The following AXIN2 variants were observed in gnomAD, a reference collection of about 807,000 sequenced individuals.
AXIN2 encodes axin 2, also known as axin-2.
A neutral mutation model predicts 74.7 loss-of-function variants in AXIN2; 21 were observed. That is an observed-to-expected ratio of 0.28 (90% CI 0.20 to 0.40). The LOEUF (loss-of-function observed/expected upper bound fraction) is 0.40, where lower values mean the gene tolerates loss of function less well. Ranked by LOEUF, AXIN2 falls within the 10% of genes least tolerant of loss-of-function variation. AXIN2 has a pLI of 1.00. For missense variants in AXIN2, 1,144 were observed against 1,111.1 expected, an observed-to-expected ratio of 1.03 and a Z score of -0.42; for synonymous variants, 532 against 454.9, an observed-to-expected ratio of 1.17 and a Z score of -2.16.
intron 3 of AXIN2, 32 bp from the exon 4 acceptor site, chr17:65,541,589 C>T (rs781539928): frequency 1.9e-6 from 3 of 1,579,306 alleles, no homozygotes; most frequent in Non-Finnish European, 1.7e-6. Flanking sequence ...AATCCACAGG[C>T]TTACGAGGAT....
rs139493027 is a variant in AXIN2 at position 65,552,109 on chromosome 17, A to G, written c.816-2449T>C. Among the ~76,000 whole-genome samples, 531 of 152,270 alleles carry G rather than the reference A, an allele frequency of 3.5e-3. 5 individuals carry two copies. The highest frequency in any genetic ancestry group is 0.012 in the African/African-American group (513 of 41,554). ...CTTCCTCCTGGTCCATGTGTCCTCA[A>G]TCCGGAATTCCCCAACACCAAGGGC... On this transcript the variant is annotated intron_variant, in intron 2 of 10. Transcript: ENST00000307078.
Position 65,538,328 on chromosome 17 carries a change from G to C in AXIN2, c.1075C>G (p.Pro359Ala). The C allele has an allele frequency of 1.9e-6, 3 of 1,614,202 alleles. No homozygotes were observed. The South Asian group carries it at 3.3e-5, about 18-fold the overall frequency. ...GGTTCCACGGGGGTCATCTCCTTGG[G>C]CAGGCGGTGGGTTCTCTACAGGACG... ...LPHFPRTHRL[P>A]KEMTPVEPAT... The change falls in exon 5 of 11, where the codon CCC becomes GCC. Residue 359 changes from proline (P) to alanine (A), a missense_variant. Pro to Ala is a conservative substitution (Grantham distance 27, BLOSUM62 -1). Around this residue, in one of 4 missense-constraint regions of AXIN2, gnomAD observed 1,053 missense variants for 973.5 expected, o/e 1.08. Coordinates refer to ENST00000307078, the MANE Select transcript of AXIN2 (RefSeq NM_004655.4).
rs2144420744 is a variant in AXIN2 at position 65,534,109 on chromosome 17, A to G, written c.2238-30T>C. ...AAATAAGATGGAATGGAACAAGTTT[A>G]GCATTTTAAAGCAGACACACATCTA... On this transcript the variant is annotated intron_variant, in intron 9 of 10. Transcript: ENST00000307078. 6 of 1,613,660 alleles carry G rather than the reference A, an allele frequency of 3.7e-6. 1 individual carries two copies. In the South Asian group the frequency reaches 5.5e-5, roughly 15 times the overall value.
chr17:65,529,694 T>C lies in AXIN2; in HGVS notation c.*282A>G. On this transcript the variant is annotated 3_prime_UTR_variant, in exon 11 of 11. Coordinates refer to ENST00000307078, the MANE Select transcript of AXIN2 (RefSeq NM_004655.4). ...TCCCTAGGAAGTCATATATTATGTA[T>C]GGCAGTCTCTCAAATACAGGCAGCA... The C allele has an allele frequency of 4.1e-6, 2 of 487,686 alleles. No homozygotes were observed. The highest frequency in any genetic ancestry group is 7.5e-6 in the Non-Finnish European group (2 of 266,198). 30.2% of individuals were successfully genotyped at this position (487,686 alleles called of 1,614,324 possible). A position where few individuals can be genotyped will look rare whatever the true frequency, so the allele number is the denominator to read the frequency against.
At chr17:65,533,720 G>A (rs1212572430) in intron 10 of AXIN2, among the ~76,000 whole-genome samples, 192 bp downstream of exon 10, 3 of 152,184 alleles carry the variant, frequency 2.0e-5, no homozygotes, top group African/African-American at 2.4e-5. Context: ...TCCCTCTTGC[G>A]GCTGCTGCTT....
At chr17:65,541,137 C>T (rs1300297543) in intron 4 of AXIN2, among the ~76,000 whole-genome samples, 1 of 152,210 alleles carries the variant, frequency 6.6e-6, no homozygotes, top group Non-Finnish European at 1.5e-5. Context: ...CTCCGACTCC[C>T]AAAGTGCTGA....
intron 2 of AXIN2, among the ~76,000 whole-genome samples, chr17:65,550,039 C>T (rs1038240142): frequency 3.3e-5 from 5 of 152,202 alleles, no homozygotes; most frequent in Admixed American, 6.5e-5. Context: ...AAATATCTTT[C>T]TCTGCTCCAC....
rs578156841 is a variant in AXIN2 at position 65,536,887 on chromosome 17, C to T, written c.1889G>A (p.Ser630Asn). 5 of 1,613,414 alleles carry T rather than the reference C, an allele frequency of 3.1e-6. No individual in the cohort carries two copies. The highest frequency in any genetic ancestry group is 3.3e-5 in the Admixed American group (2 of 60,026). ...WQWMLESERQ[S>N]KPKPHSAQST... ...TGTTTACCTATGGGGCTTGGGCTTG[C>T]TCTGCCGCTCACTCTCCAGCATCCA... The change falls in exon 7 of 11, where the codon AGC (serine) becomes AAC (asparagine). Residue 630 changes from serine to asparagine, a missense_variant. Ser to Asn is a conservative substitution (Grantham distance 46). Coordinates refer to ENST00000307078, the MANE Select transcript of AXIN2 (RefSeq NM_004655.4).
intron 2 of AXIN2, among the ~76,000 whole-genome samples, chr17:65,557,353 A>C (rs79995637): frequency 6.6e-6 from 1 of 152,078 alleles, no homozygotes; most frequent in African/African-American, 2.4e-5. Context: ...TTACCCCTCA[A>C]TGGGTGCACA....
intron 1 of AXIN2, chr17:65,559,433 G>A (rs1273071983): frequency 6.6e-6 from 1 of 151,180 alleles, no homozygotes; most frequent in East Asian, 2.0e-4. Flanking sequence ...TGTTCGCTAC[G>A]CGCCCCCTAC....
intron 10 of AXIN2, 91 bp downstream of exon 10, chr17:65,533,821 A>T: frequency 8.0e-7 from 1 of 1,254,824 alleles, no homozygotes; most frequent in Non-Finnish European, 1.1e-6. Context: ...TGCCCCACCT[A>T]GGTCTGCTCA....
intron 2 of AXIN2, among the ~76,000 whole-genome samples, chr17:65,556,215 T>C (rs2044264651): frequency 6.6e-6 from 1 of 152,136 alleles, no homozygotes; most frequent in African/African-American, 2.4e-5. Context: ...AAGGTGACAC[T>C]CTGGTCCCGG....
At position 65,541,501 on chromosome 17, in the gene AXIN2, T is replaced by C; in HGVS notation, c.1013A>G (p.His338Arg). Residue 338 changes from histidine to arginine, a missense_variant, in exon 4 of 11, where the codon CAT becomes CGT. By Grantham distance (29) the His-to-Arg change is conservative (BLOSUM62 0). Transcript: ENST00000307078. ...TTGGCCATTGGCCTTCACACTGCGA[T>C]GCATTTCTCTCTGGAGCTGTTTCTT... The part of the protein sequence containing the change: ...GSKKQLQREM[H>R]RSVKANGQVS... The C allele has an allele frequency of 6.2e-7, 1 of 1,614,208 alleles. No individual in the cohort carries two copies. Among genetic ancestry groups the C allele is most frequent in the South Asian group, 1.1e-5 (1 of 91,076 alleles).
At chr17:65,546,103 C>T (rs1443446409) in intron 3 of AXIN2, among the ~76,000 whole-genome samples, 2 of 151,060 alleles carry the variant, frequency 1.3e-5, no homozygotes, top group Non-Finnish European at 3.0e-5. Flanking sequence ...CAGCCAGCCC[C>T]CCTCCCCAGC....
At chr17:65,560,738 C>A (rs1306773675) in intron 1 of AXIN2, 1 of 151,822 alleles carries the variant, frequency 6.6e-6, no homozygotes, top group Non-Finnish European at 1.5e-5. Context: ...CTAGCGCGCC[C>A]CGAAATAGCC....
At chr17:65,555,141 T>C (rs1205328444) in intron 2 of AXIN2, among the ~76,000 whole-genome samples, 1 of 152,194 alleles carries the variant, frequency 6.6e-6, no homozygotes, top group Non-Finnish European at 1.5e-5. Flanking sequence ...ACGAGGCTCC[T>C]TTGAGTGCCC....
rs112076251 is a variant in AXIN2 at position 65,554,065 on chromosome 17, G to A, written c.815+3741C>T. On this transcript the variant is annotated intron_variant, in intron 2 of 10. Coordinates refer to ENST00000307078, the MANE Select transcript of AXIN2 (RefSeq NM_004655.4). ...CAGCCTGCAGGTGGCAGAGACCCCCGGAACCTTCAGGGAAAGGAGGTGCCG... is the reference window on the plus strand; with the variant it reads ...CAGCCTGCAGGTGGCAGAGACCCCCAGAACCTTCAGGGAAAGGAGGTGCCG... Among the ~76,000 whole-genome samples, 375 of 152,218 alleles carry A rather than the reference G, an allele frequency of 2.5e-3. 2 individuals carry two copies. The highest frequency in any genetic ancestry group is 8.6e-3 in the African/African-American group (357 of 41,538).
chr17:65,537,801 T>C lies in AXIN2; in HGVS notation c.1235A>G (p.Asn412Ser), dbSNP rs115931022. ...EEREGSELTL[N>S]SREGAPTQHP... ...CTGCGTGGGCGCCCCCTCCCGCGAA[T>C]TGAGTGTGAGCTCGGAGCCCTCTCT... The change falls in exon 6 of 11, where the codon AAT becomes AGT. Residue 412 changes from asparagine (N) to serine (S), a missense_variant. Asn to Ser is a conservative substitution (Grantham distance 46, BLOSUM62 1). This residue lies in a region of AXIN2 where 1,053 missense variants were observed against 973.5 expected (regional missense o/e 1.08). Transcript: ENST00000307078. 7.9e-3 allele frequency: 12,588 copies of C among 1,586,748 alleles called. 165 individuals carry two copies. The highest frequency in any genetic ancestry group is 0.041 in the South Asian group (3,565 of 86,704).
Position 65,558,437 on chromosome 17 carries a change from A to T in AXIN2, c.184T>A (p.Leu62Met). ...SSNTRRNEDGLGEPEGRASPD... is the reference protein window; with the variant it reads ...SSNTRRNEDGMGEPEGRASPD... ...GATGCCCGCCCCTCCGGCTCCCCCA[A>T]CCCATCTTCGTTCCGCCTGGTGTTG... The change falls in exon 2 of 11, where the codon TTG becomes ATG. Residue 62 changes from leucine to methionine, a missense_variant. Around this residue, in one of 4 missense-constraint regions of AXIN2, gnomAD observed 1,053 missense variants for 973.5 expected, o/e 1.08. Coordinates refer to ENST00000307078, the MANE Select transcript of AXIN2 (RefSeq NM_004655.4). 6.3e-7 allele frequency: 1 copy of T among 1,599,934 alleles called. No individual in the cohort carries two copies. The highest frequency in any genetic ancestry group is 1.3e-5 in the African/African-American group (1 of 74,716).
Sources: allele counts gnomAD v4.1 joint callset (sites outside exome capture counted in the v4.1 genomes callset), GRCh38; gene constraint gnomAD v4.1.1; regional missense constraint gnomAD v4.1.1; transcripts MANE v1.5; gene names NCBI Gene and HGNC (gene_info 2026-07-23, HGNC 2026-07-21).